Variants in YJEFN3 observed in about 807,000 individuals in gnomAD.
YJEFN3 encodes yjeF N-terminal domain-containing protein 3.
In YJEFN3, 29 loss-of-function variants were observed where a neutral mutation model predicts 31.5. The ratio of observed to expected loss-of-function variants is 0.92; its 90% CI spans 0.69 to 1.26. The LOEUF is 1.26. YJEFN3 is among the 50% of genes most tolerant of loss of function. YJEFN3 has a pLI of 0.00. For missense variants in YJEFN3, 442 were observed against 425.4 expected, an observed-to-expected ratio of 1.04 and a Z score of -0.34; for synonymous variants, 227 against 196.1, an observed-to-expected ratio of 1.16 and a Z score of -1.32.
rs372760483 is a variant in YJEFN3 at position 19,528,932 on chromosome 19, C to T, written c.-1C>T. On this transcript the variant is annotated 5_prime_UTR_variant, in exon 1 of 7. Transcript: ENST00000514277. ...GCCCGGCGCCCGGGCTCACCTCGGC[C>T]ATGAGCAGCGCAGCCGGCCCAGACC... 105 of 1,548,556 alleles carry T rather than the reference C, an allele frequency of 6.8e-5. No homozygotes were observed. In the Middle Eastern group the frequency reaches 1.1e-3, roughly 17 times the overall value.
Position 19,535,078 on chromosome 19 carries a change from G to C in YJEFN3, c.363G>C (p.Leu121=). Reference sequence around the variant, plus strand: ...TCTCCCGGAAGCAGAGGACGGTGCTGGTCGTGTGTGGCCCGGAGCAGAACG... The same window carrying C: ...TCTCCCGGAAGCAGAGGACGGTGCTCGTCGTGTGTGGCCCGGAGCAGAACG... The part of the protein sequence containing the change: ...PALSRKQRTV[L]VVCGPEQNGA... Residue 121 remains leucine (L), a synonymous_variant, in exon 4 of 7, where the codon CTG becomes CTC. Coordinates refer to ENST00000514277, the MANE Select transcript of YJEFN3 (RefSeq NM_198537.4). The C allele has an allele frequency of 6.2e-7, 1 of 1,611,898 alleles. No individual in the cohort carries two copies. The highest frequency in any genetic ancestry group is 8.5e-7 in the Non-Finnish European group (1 of 1,179,034).
intron 3 of YJEFN3, chr19:19,533,865 C>T: frequency 1.0e-6 from 1 of 985,534 alleles, no homozygotes; most frequent in South Asian, 4.7e-5. Context: ...CTTGTCTGTC[C>T]AGAAGCCCCT....
chr19:19,533,639 C>T, intron 3 of YJEFN3: 1 of 983,416 alleles, frequency 1.0e-6, no homozygotes. Context: ...TCCCTCCTCA[C>T]CCCTCCTCCT....
At chr19:19,533,978 G>C in intron 3 of YJEFN3, 4 of 985,598 alleles carry the variant, frequency 4.1e-6, no homozygotes, top group Non-Finnish European at 4.8e-6. Context: ...GAGGATACTT[G>C]AAAGGGGAGT....
At chr19:19,536,119 CAGCAGGTGCCACAG>C (rs1413359437) in intron 6 of YJEFN3, 7 of 406,720 alleles carry the variant, frequency 1.7e-5, no homozygotes, top group Non-Finnish European at 3.1e-5. Context: ...AGGGACATCC[CAGCAGGTGCCACAG>C]AGCAGGGGCA....
chr19:19,534,918 C>T lies in YJEFN3; in HGVS notation c.319-116C>T. The T allele has an allele frequency of 3.6e-6, 3 of 837,248 alleles. No individual in the cohort carries two copies. Among genetic ancestry groups the T allele is most frequent in the Admixed American group, 2.6e-5 (1 of 38,510 alleles). The allele number at this position is 837,248 out of a possible 1,614,324, so 51.9% of individuals were successfully genotyped here. On this transcript the variant is annotated intron_variant, in intron 3 of 6. Coordinates refer to ENST00000514277, the MANE Select transcript of YJEFN3 (RefSeq NM_198537.4). This position sits in a 1 kb window ranked among gnomAD's most constrained non-coding sequence, Gnocchi z 4.6. ...CAGAACAGCTCACCTCCTGTCCTATCCTGTTGCCTCCAGGCCCAAGCCCCA... is the reference window on the plus strand; with the variant it reads ...CAGAACAGCTCACCTCCTGTCCTATTCTGTTGCCTCCAGGCCCAAGCCCCA...
At chr19:19,532,878 C>A in intron 3 of YJEFN3, 138 bp downstream of exon 3, 1 of 1,101,468 alleles carries the variant, frequency 9.1e-7, no homozygotes, top group Non-Finnish European at 1.2e-6. Flanking sequence ...GATGGGTAAA[C>A]TGAGGCCCAG....
At position 19,532,725 on chromosome 19, in the gene YJEFN3, C is replaced by T. The variant is rs137912279; in HGVS notation, c.303C>T (p.Ala101=). The T allele has an allele frequency of 5.0e-4, 793 of 1,570,758 alleles. 11 individuals are homozygous for T. In the East Asian group the frequency reaches 0.016, roughly 31 times the overall value. Residue 101 remains alanine (A), a synonymous_variant, in exon 3 of 7, where the codon GCC becomes GCT. Coordinates refer to ENST00000514277, the MANE Select transcript of YJEFN3 (RefSeq NM_198537.4). ...TGGAGCTGTGCGGTCATGCTAGTGC[C>T]GTGGCTGTGACCAAGGTACCTGACC... ...QLVELCGHAS[A]VAVTKAFPLP...
At chr19:19,533,490 TTCTC>T (rs1176689331) in intron 3 of YJEFN3, 7 of 855,720 alleles carry the variant, frequency 8.2e-6, no homozygotes, top group Non-Finnish European at 1.4e-6. Flanking sequence ...TCCTCCTCCT[TTCTC>T]TCTCCCTCCT....
chr19:19,532,637 C>G lies in YJEFN3; in HGVS notation c.215C>G (p.Ala72Gly), dbSNP rs765733359. Residue 72 changes from alanine to glycine, a missense_variant, in exon 3 of 7, where the codon GCG (alanine) becomes GGG (glycine). Transcript: ENST00000514277. ...CCATCCCACTCTGTCCCCAGCACCG[C>G]GGAGGCAGCCGCCCTGGAGCGGGAG... ...WNAGPVCQST[A>G]EAAALERELL... The G allele has an allele frequency of 1.9e-6, 3 of 1,551,432 alleles. No individual in the cohort carries two copies. The highest frequency in any genetic ancestry group is 2.6e-6 in the Non-Finnish European group (3 of 1,154,416).
Position 19,535,424 on chromosome 19 carries a change from C to A in YJEFN3, c.517C>A (p.Pro173Thr). Residue 173 changes from proline (P) to threonine (T), a missense_variant, in exon 5 of 7, where the codon CCC (proline) becomes ACC (threonine). Pro to Thr is a conservative substitution (Grantham distance 38). Transcript: ENST00000514277. ...LTTQCEKMDI[P>T]FLSYLPTEVQ... is the part of the protein sequence containing the mutation. Reference sequence around the variant, plus strand: ...CACCCAGTGCGAGAAGATGGACATCCCCTTCCTGAGCTACCTGCCCACTGA... The same window carrying A: ...CACCCAGTGCGAGAAGATGGACATCACCTTCCTGAGCTACCTGCCCACTGA... 6.2e-7 allele frequency: 1 copy of A among 1,614,038 alleles called. No homozygotes were observed. The highest frequency in any genetic ancestry group is 8.5e-7 in the Non-Finnish European group (1 of 1,179,994).
rs566004633 is a variant in YJEFN3 at position 19,536,192 on chromosome 19, C to T, written c.694+513C>T. Reference sequence around the variant, plus strand: ...GATCTGAGTAGGGAGGCTGCAGGCTCAGCCTAGGACAGAGAGGGTGGCTCT... The same window carrying T: ...GATCTGAGTAGGGAGGCTGCAGGCTTAGCCTAGGACAGAGAGGGTGGCTCT... On this transcript the variant is annotated intron_variant, in intron 6 of 6. Transcript: ENST00000514277. 1.4e-5 allele frequency: 3 copies of T among 216,156 alleles called. No homozygotes were observed. In the South Asian group the frequency reaches 2.8e-4, roughly 20 times the overall value. The allele number at this position is 216,156 out of a possible 1,614,324, so 13.4% of individuals were successfully genotyped here.
At position 19,535,349 on chromosome 19, in the gene YJEFN3, A is replaced by C. The variant is rs1464334032; in HGVS notation, c.442A>C (p.Thr148Pro). ...CTCCCACCCCCAGGAGTATGAACCC[A>C]CCATCTTCTACCCCACACGCTCGCT... ...RHLRVFEYEP[T>P]IFYPTRSLDL... The change falls in exon 5 of 7, where the codon ACC becomes CCC. Residue 148 changes from threonine (T) to proline (P), a missense_variant. Physicochemically the swap from Thr to Pro is conservative, Grantham distance 38. Transcript: ENST00000514277. 6.2e-7 allele frequency: 1 copy of C among 1,613,704 alleles called. No homozygotes were observed. Among genetic ancestry groups the C allele is most frequent in the Non-Finnish European group, 8.5e-7 (1 of 1,179,916 alleles).
Position 19,534,242 on chromosome 19 carries a change from G to A in YJEFN3, c.319-792G>A. 1.2e-5 allele frequency: 10 copies of A among 835,854 alleles called. No homozygotes were observed. The highest frequency in any genetic ancestry group is 1.4e-5 in the Non-Finnish European group (10 of 713,916). The allele number at this position is 835,854 out of a possible 1,614,324, so 51.8% of individuals were successfully genotyped here. A position where few individuals can be genotyped will look rare whatever the true frequency, so the allele number is the denominator to read the frequency against. ...TAACAGAGAGATACAGAGACAGCCA[G>A]AGACAAATGGAGAGAGAGACAAATG... On this transcript the variant is annotated intron_variant, in intron 3 of 6. Transcript: ENST00000514277. The surrounding 1 kb of genome is among the most constrained non-coding windows in gnomAD (Gnocchi z 4.6).
In YJEFN3 at chr19:19,537,347, G is replaced by A; in HGVS notation, c.723G>A (p.Ser241=). The part of the protein sequence containing the change: ...SGWDAETGSD[S]EDGLRPDVLV... ...GGGACGCAGAGACCGGCAGCGATTCGGAGGACGGGCTGCGGCCTGACGTGC... is the reference window on the plus strand; with the variant it reads ...GGGACGCAGAGACCGGCAGCGATTCAGAGGACGGGCTGCGGCCTGACGTGC... Residue 241 remains serine (S), a synonymous_variant, in exon 7 of 7, where the codon TCG becomes TCA. Transcript: ENST00000514277. 1.9e-6 allele frequency: 3 copies of A among 1,595,756 alleles called. No individual in the cohort carries two copies. The highest frequency in any genetic ancestry group is 8.5e-7 in the Non-Finnish European group (1 of 1,177,096).
Position 19,532,589 on chromosome 19 carries a change from GTC to G in YJEFN3, c.210-39_210-38del, listed in dbSNP as rs932133347. 1.5e-5 allele frequency: 21 copies of G among 1,363,654 alleles called. No homozygotes were observed. The African/African-American group carries it at 2.5e-4, about 16-fold the overall frequency. The allele number at this position is 1,363,654 out of a possible 1,614,324, so 84.5% of individuals were successfully genotyped here. ...CATTTCTGGCTCCATCTGAGGCTCTGTCTCTGTGTGTCTCTGAGTGTCCCATC... is the reference window on the plus strand; with the variant it reads ...CATTTCTGGCTCCATCTGAGGCTCTGTCTGTGTGTCTCTGAGTGTCCCATC... On this transcript the variant is annotated intron_variant, in intron 2 of 6. Transcript: ENST00000514277.
chr19:19,531,795 G>C (rs911897063), intron 2 of YJEFN3, among the ~76,000 whole-genome samples: 1 of 133,048 alleles, frequency 7.5e-6, no homozygotes, highest in Non-Finnish European at 1.5e-5. Flanking sequence ...GCAGTGGCAC[G>C]ATCTCGGCTC....
rs754611163 is a variant in YJEFN3 at position 19,529,336 on chromosome 19, GC to G, written c.60-25del. On this transcript the variant is annotated intron_variant, in intron 1 of 6. Transcript: ENST00000514277. ...GCTCCCCCACCGAACCCCAACCGTG[GC>G]CCACCCCCACTCTCCATCTCTCCCA... The G allele has an allele frequency of 6.9e-6, 11 of 1,591,976 alleles. No homozygotes were observed. The Admixed American group carries it at 7.0e-5, about 10-fold the overall frequency.
At chr19:19,532,563 A>G (rs1362241018) in intron 2 of YJEFN3, 69 bp from the exon 3 acceptor site, 3 of 1,110,964 alleles carry the variant, frequency 2.7e-6, no homozygotes, top group Admixed American at 2.6e-5. Flanking sequence ...GCTTGGCGGA[A>G]CATTTCTGGC....
Sources: allele counts gnomAD v4.1 joint callset (sites outside exome capture counted in the v4.1 genomes callset), GRCh38; gene constraint gnomAD v4.1.1; non-coding constraint Gnocchi (gnomAD v3.1); transcripts MANE v1.5; gene names NCBI Gene and HGNC (gene_info 2026-07-23, HGNC 2026-07-21).